The following PHEX variants were observed in gnomAD, a reference collection of about 807,000 sequenced individuals.
The protein encoded by PHEX is phosphate regulating endopeptidase X-linked.
In PHEX, 16 loss-of-function variants were observed where a neutral mutation model predicts 68.0. The observed-to-expected ratio is 0.24, with a 90% confidence interval of 0.16 to 0.36. The LOEUF (loss-of-function observed/expected upper bound fraction) is 0.36, where lower values mean the gene tolerates loss of function less well. Among genes scored for constraint, PHEX ranks in the 10% least tolerant of loss-of-function variants. The pLI, the probability that PHEX is intolerant of heterozygous loss-of-function variation, is 1.00. For missense variants in PHEX, 480 were observed against 575.5 expected, an observed-to-expected ratio of 0.83 and a Z score of 1.70; for synonymous variants, 208 against 205.1, an observed-to-expected ratio of 1.01 and a Z score of -0.12.
intron 11 of PHEX, among the ~76,000 whole-genome samples, chrX:22,115,448 G>T (rs1003458000): frequency 7.4e-4 from 83 of 112,085 alleles, no homozygotes; most frequent in African/African-American, 2.6e-3. Context: ...GGTGGTGGGG[G>T]ATGAGGACAC....
chrX:22,171,557 GGTACCATC>G (rs1442364735), intron 13 of PHEX: 1 of 109,567 alleles, frequency 9.1e-6, no homozygotes, highest in Non-Finnish European at 1.9e-5. Flanking sequence ...CCTAAGTGAT[GGTACCATC>G]ACCTCCTCCC....
intron 15 of PHEX, among the ~76,000 whole-genome samples, chrX:22,196,338 G>A (rs931388744): frequency 5.3e-5 from 6 of 112,415 alleles, no homozygotes; most frequent in Admixed American, 4.7e-4. Context: ...GTCTCTAGAT[G>A]TGTAGACCAG....
rs1472911206 is a variant in PHEX at position 22,245,354 on chromosome X, C to T, written c.2092C>T (p.Pro698Ser). 3 of 1,208,237 alleles carry T rather than the reference C, an allele frequency of 2.5e-6. No homozygotes were observed. The East Asian group carries it at 8.9e-5, about 36-fold the overall frequency. ...YAHVRCNSYR[P>S]EAAREQVQIG... ...CTAGGTGAGGTGCAATTCCTACAGA[C>T]CAGAAGCTGCCCGAGAACAAGTCCA... The change falls in exon 21 of 22, where the codon CCA becomes TCA. Residue 698 changes from proline to serine, a missense_variant. Transcript: ENST00000379374.
Position 22,099,203 on chromosome X carries a change from A to C in PHEX, c.1079+52A>C, listed in dbSNP as rs1253391969. On this transcript the variant is annotated intron_variant, in intron 9 of 21. Transcript: ENST00000379374. Reference sequence around the variant, plus strand: ...GTGACTTTTGTGTTTTCTTTAAATTATAAGGGCTTCCCTTCTCACATCCTT... The same window carrying C: ...GTGACTTTTGTGTTTTCTTTAAATTCTAAGGGCTTCCCTTCTCACATCCTT... 2.8e-6 allele frequency: 3 copies of C among 1,054,407 alleles called. No homozygotes were observed. In the Admixed American group the frequency reaches 6.6e-5, roughly 23 times the overall value. 86.9% of individuals were successfully genotyped at this position (1,054,407 alleles called of 1,213,427 possible).
intron 3 of PHEX, among the ~76,000 whole-genome samples, chrX:22,049,828 A>C (rs62589290): frequency 0.17 from 18,799 of 109,705 alleles, 1,295 homozygotes; most frequent in Admixed American, 0.29. Context: ...ATGCCATTGC[A>C]CTCCAGCCGG....
intron 6 of PHEX, among the ~76,000 whole-genome samples, chrX:22,090,791 C>A (rs905947020): frequency 8.9e-6 from 1 of 111,823 alleles, no homozygotes; most frequent in African/African-American, 3.3e-5. Context: ...CTCAGAAGTG[C>A]AGAGAGCTCA....
chrX:22,227,714 G>T, intron 20 of PHEX, 103 bp downstream of exon 20: 1 of 548,856 alleles, frequency 1.8e-6, no homozygotes, highest in South Asian at 2.5e-5. Flanking sequence ...GCATGACTTT[G>T]ATTTTCAGCA....
intron 18 of PHEX, 129 bp downstream of exon 18, chrX:22,221,872 C>T: frequency 1.6e-6 from 1 of 625,339 alleles, no homozygotes; most frequent in South Asian, 2.4e-5. Context: ...TCCTTGGGAA[C>T]ATTCTTGAGT....
chrX:22,203,330 C>G (rs1404158836), intron 15 of PHEX, among the ~76,000 whole-genome samples: 1 of 110,212 alleles, frequency 9.1e-6, no homozygotes, highest in Non-Finnish European at 1.9e-5. Context: ...TGCTTGTCAG[C>G]TCTAGGCTGA....
chrX:22,246,848 T>C (rs1936406655), intron 21 of PHEX, among the ~76,000 whole-genome samples: 1 of 111,961 alleles, frequency 8.9e-6, no homozygotes, highest in Non-Finnish European at 1.9e-5. Context: ...AGGGAAGAAA[T>C]AGTCAGGGAC....
chrX:22,039,166 A>C (rs1291099775), intron 2 of PHEX, among the ~76,000 whole-genome samples: 2 of 111,546 alleles, frequency 1.8e-5, no homozygotes, highest in African/African-American at 6.5e-5. Flanking sequence ...ACGGAGTTTC[A>C]CCTTGTTGGC....
intron 12 of PHEX, among the ~76,000 whole-genome samples, chrX:22,140,677 T>G (rs1932419538): frequency 9.1e-6 from 1 of 110,243 alleles, no homozygotes; most frequent in African/African-American, 3.3e-5. Flanking sequence ...AGATGGGGTT[T>G]TGCTATGTTG....
At chrX:22,126,775 C>T (rs921230755) in intron 11 of PHEX, among the ~76,000 whole-genome samples, 3 of 108,907 alleles carry the variant, frequency 2.8e-5, no homozygotes, top group Non-Finnish European at 3.8e-5. Flanking sequence ...TTAGATAACA[C>T]TGGTTGAGGA....
chrX:22,247,159 T>C (rs1028673761), intron 21 of PHEX, among the ~76,000 whole-genome samples: 14 of 112,460 alleles, frequency 1.2e-4, no homozygotes, highest in Admixed American at 1.2e-3. Context: ...AATTGACTGA[T>C]TGTTGCATTA....
At chrX:22,098,497 A>G (rs914773746) in intron 8 of PHEX, among the ~76,000 whole-genome samples, 1 of 107,946 alleles carries the variant, frequency 9.3e-6, no homozygotes, top group Non-Finnish European at 1.9e-5. Flanking sequence ...GATTAAGACA[A>G]TAGGTCAGGC....
chrX:22,193,848 C>T (rs1201144711), intron 15 of PHEX, among the ~76,000 whole-genome samples: 1 of 112,171 alleles, frequency 8.9e-6, no homozygotes, highest in Non-Finnish European at 1.9e-5. Flanking sequence ...CAAATGTTTT[C>T]CAAAGCTGGT....
At chrX:22,140,857 T>C (rs867120470) in intron 12 of PHEX, among the ~76,000 whole-genome samples, 1 of 111,462 alleles carries the variant, frequency 9.0e-6, no homozygotes, top group Admixed American at 9.6e-5. Context: ...AGACTGGATG[T>C]TCTAAATGCT....
intron 5 of PHEX, among the ~76,000 whole-genome samples, chrX:22,080,447 A>C (rs990442533): frequency 5.4e-5 from 6 of 111,501 alleles, no homozygotes; most frequent in Non-Finnish European, 1.1e-4. Context: ...ATATAATTAT[A>C]GTCTTCCTGA....
At chrX:22,124,651 C>T (rs1439523220) in intron 11 of PHEX, among the ~76,000 whole-genome samples, 1 of 111,934 alleles carries the variant, frequency 8.9e-6, no homozygotes, top group Non-Finnish European at 1.9e-5. Flanking sequence ...CTGATCCATC[C>T]TCTCTTAAAG....
Sources: allele counts gnomAD v4.1 joint callset (sites outside exome capture counted in the v4.1 genomes callset), GRCh38; gene constraint gnomAD v4.1.1; transcripts MANE v1.5; gene names NCBI Gene and HGNC (gene_info 2026-07-23, HGNC 2026-07-21).